NCKAP5: variants seen among roughly 807,000 people sequenced by gnomAD.
NCKAP5 encodes nck-associated protein 5.
A neutral mutation model predicts 167.0 loss-of-function variants in NCKAP5; 92 were observed. That is an observed-to-expected ratio of 0.55 (90% confidence interval 0.47 to 0.66). The LOEUF (loss-of-function observed/expected upper bound fraction) is 0.66, where lower values mean the gene tolerates loss of function less well. Ranked by LOEUF, NCKAP5 falls within the 30% of genes least tolerant of loss-of-function variation. NCKAP5 has a pLI of 0.00. For synonymous variants in NCKAP5, 891 were observed against 877.4 expected, an observed-to-expected ratio of 1.02 and a Z score of -0.27; for missense variants, 2,378 against 2,315.0, an observed-to-expected ratio of 1.03 and a Z score of -0.56.
chr2:132,909,012 T>C (rs1408849512), intron 8 of NCKAP5, among the ~76,000 whole-genome samples: 1 of 152,194 alleles, frequency 6.6e-6, no homozygotes, highest in Admixed American at 6.5e-5. Flanking sequence ...GATCAACTTA[T>C]GGCAATCTCA....
At chr2:133,640,523 G>A in the NCKAP5 span, among the ~76,000 whole-genome samples, 13 of 152,144 alleles carry the variant, frequency 8.5e-5, no homozygotes, top group East Asian at 3.8e-4. Context: ...TTTAAATAAC[G>A]AAGCAAACTT....
In NCKAP5 at chr2:133,336,422, A is replaced by G. The variant is rs80282916; in HGVS notation, c.70-33312T>C. ...GGCCAAGTGCAAACAGCTGAAGTGAATACACTTCAGCACAAGGCTCGAGCT... is the reference window on the plus strand; with the variant it reads ...GGCCAAGTGCAAACAGCTGAAGTGAGTACACTTCAGCACAAGGCTCGAGCT... On this transcript the variant is annotated intron_variant, in intron 3 of 19. Transcript: ENST00000409261. Among the ~76,000 whole-genome samples the G allele has an allele frequency of 7.2e-4, 110 of 152,200 alleles. 1 individual carries two copies. The East Asian group carries it at 0.019, about 27-fold the overall frequency.
At chr2:132,906,572 GA>G (rs1193534114) in intron 8 of NCKAP5, among the ~76,000 whole-genome samples, 1 of 152,116 alleles carries the variant, frequency 6.6e-6, no homozygotes, top group East Asian at 1.9e-4. Context: ...GAGATTAGGG[GA>G]GACCCCCAAG....
At chr2:133,291,678 C>G (rs1399479764) in intron 4 of NCKAP5, among the ~76,000 whole-genome samples, 2 of 152,212 alleles carry the variant, frequency 1.3e-5, no homozygotes, top group African/African-American at 4.8e-5. Context: ...AAGCCAGGTA[C>G]CCCTGAGGCA....
intron 9 of NCKAP5, among the ~76,000 whole-genome samples, chr2:132,878,081 G>A (rs549452286): frequency 6.1e-4 from 93 of 152,264 alleles, no homozygotes; most frequent in African/African-American, 1.9e-3. Context: ...GGGAGCGAAT[G>A]GCCAATCGTG....
intron 3 of NCKAP5, among the ~76,000 whole-genome samples, chr2:133,479,203 G>C (rs1340486815): frequency 6.6e-6 from 1 of 152,160 alleles, no homozygotes; most frequent in Non-Finnish European, 1.5e-5. Flanking sequence ...TTAAAAAGAA[G>C]TATAAGGCAT....
At chr2:133,327,694 C>A (rs929147430) in intron 3 of NCKAP5, among the ~76,000 whole-genome samples, 1 of 152,022 alleles carries the variant, frequency 6.6e-6, no homozygotes, top group African/African-American at 2.4e-5. Context: ...AATATAGTTG[C>A]CTAAAATTCT....
chr2:132,928,985 A>G (rs1696147098), intron 8 of NCKAP5, among the ~76,000 whole-genome samples: 2 of 151,772 alleles, frequency 1.3e-5, no homozygotes, highest in Admixed American at 1.3e-4. Flanking sequence ...AAAACAAAAC[A>G]AAACAAAACA....
the NCKAP5 span, among the ~76,000 whole-genome samples, chr2:133,579,833 C>T: frequency 9.9e-5 from 15 of 152,194 alleles, no homozygotes; most frequent in East Asian, 2.7e-3. Flanking sequence ...CAATTTCAAC[C>T]CCCCATTTTA....
the NCKAP5 span, among the ~76,000 whole-genome samples, chr2:133,646,751 G>A: frequency 1.3e-5 from 2 of 152,024 alleles, no homozygotes. Flanking sequence ...AGCATGAAAG[G>A]CAATAGCTAA....
chr2:133,156,609 T>C (rs564714258), intron 5 of NCKAP5, among the ~76,000 whole-genome samples: 15 of 152,318 alleles, frequency 9.8e-5, no homozygotes, highest in Non-Finnish European at 1.3e-4. Flanking sequence ...ATACTGAGTA[T>C]TGGTTCATCT....
chr2:132,991,003 C>G (rs924901419), intron 7 of NCKAP5, among the ~76,000 whole-genome samples: 1 of 152,314 alleles, frequency 6.6e-6, no homozygotes, highest in Middle Eastern at 3.4e-3. Context: ...AGGTTCAGAT[C>G]TCAGCATAGA....
chr2:133,065,623 T>TA (rs1206249490), intron 6 of NCKAP5, among the ~76,000 whole-genome samples: 1 of 152,116 alleles, frequency 6.6e-6, no homozygotes, highest in African/African-American at 2.4e-5. Flanking sequence ...GACTCTATCT[T>TA]AAAAATTTTT....
rs1197902219 is a variant in NCKAP5 at position 132,954,814 on chromosome 2, CTATT to C, written c.579+8902_579+8905del. The C allele has an allele frequency of 2.8e-5, 11 of 396,312 alleles. No homozygotes were observed. The East Asian group carries it at 6.8e-4, about 24-fold the overall frequency. 24.5% of individuals were successfully genotyped at this position (396,312 alleles called of 1,614,324 possible). ...ATTTTTCCAATTTTCTGTAATGTGA[CTATT>C]TACTACTTTTATAATCAGAAAACTG... is the stretch of plus-strand genomic sequence containing the variant. On this transcript the variant is annotated intron_variant, in intron 8 of 19. Coordinates refer to ENST00000409261, the MANE Select transcript of NCKAP5 (RefSeq NM_207363.3).
At chr2:133,507,183 C>T (rs1014156345) in intron 3 of NCKAP5, among the ~76,000 whole-genome samples, 2 of 152,196 alleles carry the variant, frequency 1.3e-5, no homozygotes, top group African/African-American at 2.4e-5. Flanking sequence ...GGATCACTGC[C>T]AGCCTCATGG....
chr2:132,957,035 G>A (rs2076364472), intron 8 of NCKAP5, among the ~76,000 whole-genome samples: 1 of 152,134 alleles, frequency 6.6e-6, no homozygotes, highest in Non-Finnish European at 1.5e-5. Context: ...AGTCCCACAA[G>A]GCCGAGTGTC....
chr2:132,981,511 T>C (rs2077141417), intron 7 of NCKAP5, among the ~76,000 whole-genome samples: 1 of 152,232 alleles, frequency 6.6e-6, no homozygotes, highest in Non-Finnish European at 1.5e-5. Flanking sequence ...TGCATTTACT[T>C]GCTTTTTTCC....
intron 7 of NCKAP5, among the ~76,000 whole-genome samples, chr2:132,968,884 T>A (rs970025140): frequency 6.6e-6 from 1 of 152,134 alleles, no homozygotes; most frequent in Admixed American, 6.5e-5. Flanking sequence ...AATGAGGTTG[T>A]CTGAAGAACT....
intron 3 of NCKAP5, among the ~76,000 whole-genome samples, chr2:133,319,148 T>TCCCC (rs373462959): frequency 1.1e-4 from 9 of 84,642 alleles, no homozygotes; most frequent in African/African-American, 3.4e-4. Flanking sequence ...GAGCCACCCC[T>TCCCC]CCCCCCCCGC....
Sources: gnomAD v4.1 joint callset for allele counts (sites outside exome capture counted in the v4.1 genomes callset) on GRCh38, gnomAD v4.1.1 for gene constraint, MANE v1.5 for transcripts, NCBI Gene and HGNC (gene_info 2026-07-23, HGNC 2026-07-21) for gene names.